Variants in CLRN3 observed in about 807,000 individuals in gnomAD.
CLRN3 encodes the protein clarin 3, also known as clarin-3.
A neutral mutation model predicts 16.7 loss-of-function variants in CLRN3; 12 were observed. The ratio of observed to expected loss-of-function variants is 0.72; its 90% confidence interval spans 0.46 to 1.16. The LOEUF (loss-of-function observed/expected upper bound fraction) is 1.16. Among genes scored for constraint, CLRN3 ranks in the 50% most tolerant of loss-of-function variants. The probability of loss-of-function intolerance (pLI) is 0.00; values close to 1 mark genes in which losing one functional copy is unlikely to be tolerated. For missense variants in CLRN3, 296 were observed against 274.2 expected, an observed-to-expected ratio of 1.08 and a Z score of -0.56; for synonymous variants, 118 against 113.0, an observed-to-expected ratio of 1.04 and a Z score of -0.28.
At chr10:127,883,674 C>T (rs750381097) in intron 2 of CLRN3, 22 bp downstream of exon 2, 51 of 1,566,434 alleles carry the variant, frequency 3.3e-5, no homozygotes, top group South Asian at 3.2e-4. Context: ...TGCAGAGCAC[C>T]GAGTCTCACA....
In CLRN3 at chr10:127,892,844, G is replaced by T; in HGVS notation, c.-60C>A. The stretch of plus-strand genomic sequence containing the variant: ...AGGAATATCTTCTTATAACACTTTT[G>T]AACCTTATCTTTTGAAGTCTGGTAT... On this transcript the variant is annotated 5_prime_UTR_variant, in exon 1 of 3. Transcript: ENST00000368671. 1 of 979,028 alleles carries T rather than the reference G, an allele frequency of 1.0e-6. No individual in the cohort carries two copies. Among genetic ancestry groups the T allele is most frequent in the Non-Finnish European group, 1.6e-6 (1 of 625,856 alleles). The allele number at this position is 979,028 out of a possible 1,614,324, so 60.6% of individuals were successfully genotyped here.
rs775222700 is a variant in CLRN3 at position 127,892,606 on chromosome 10, C to T, written c.179G>A (p.Ser60Asn). Residue 60 changes from serine to asparagine, a missense_variant, in exon 1 of 3, where the codon AGT becomes AAT. Physicochemically the swap from Ser to Asn is conservative, Grantham distance 46 (BLOSUM62 1). Transcript: ENST00000368671. ...FITYGLFRGE[S>N]SEELSHGLAE... ...AAGTCCGTGACTCAATTCTTCACTA[C>T]TCTCCCCACGAAAAAGTCCGTAAGT... The T allele has an allele frequency of 1.1e-5, 17 of 1,613,092 alleles. No individual in the cohort carries two copies. In the South Asian group the frequency reaches 1.2e-4, roughly 11 times the overall value.
At chr10:127,885,326 C>T (rs756730349) in intron 1 of CLRN3, among the ~76,000 whole-genome samples, 2 of 152,220 alleles carry the variant, frequency 1.3e-5, no homozygotes, top group Non-Finnish European at 2.9e-5. Context: ...AAAAATTCCT[C>T]ATTATGCTGA....
In CLRN3 at chr10:127,883,768, A is replaced by G; in HGVS notation, c.337T>C (p.Tyr113His). ...TSLLSSGFTF[Y>H]NSISNPYQTF... ...TGGTAAGGGTTGCTGATGCTGTTGT[A>G]GAAGGTAAACCCAGAGCTCAGCAGC... Residue 113 changes from tyrosine (Y) to histidine (H), a missense_variant, in exon 2 of 3, where the codon TAC (tyrosine) becomes CAC (histidine). Physicochemically the swap from Tyr to His is moderately conservative, Grantham distance 83. Transcript: ENST00000368671. 1.2e-6 allele frequency: 2 copies of G among 1,613,940 alleles called. No individual in the cohort carries two copies. The highest frequency in any genetic ancestry group is 1.7e-6 in the Non-Finnish European group (2 of 1,179,796).
At chr10:127,886,950 G>T (rs2135083546) in intron 1 of CLRN3, among the ~76,000 whole-genome samples, 1 of 152,348 alleles carries the variant, frequency 6.6e-6, no homozygotes, top group East Asian at 1.9e-4. Context: ...GCCTGGGCAG[G>T]GACGGGTGGG....
At chr10:127,882,971 G>A (rs1050503148) in intron 2 of CLRN3, among the ~76,000 whole-genome samples, 2 of 152,186 alleles carry the variant, frequency 1.3e-5, no homozygotes, top group Non-Finnish European at 2.9e-5. Context: ...CAGCTGCAGA[G>A]CCCTGGAAAA....
At chr10:127,882,231 T>A (rs988756623) in intron 2 of CLRN3, among the ~76,000 whole-genome samples, 1 of 111,740 alleles carries the variant, frequency 8.9e-6, no homozygotes, top group Non-Finnish European at 2.0e-5. Flanking sequence ...TTGGGGGATT[T>A]ATTTGTTTTT....
rs1406215550 is a variant in CLRN3, at chr10:127,892,894, T to C, written c.-110A>G. The stretch of plus-strand genomic sequence containing the variant: ...TTTAGAAATGGAGTCTAACACTTTA[T>C]TGTCAAATATAAAATCTCACTCTTC... On this transcript the variant is annotated 5_prime_UTR_variant, in exon 1 of 3. Transcript: ENST00000368671. 4 of 658,488 alleles carry C rather than the reference T, an allele frequency of 6.1e-6. No homozygotes were observed. Among genetic ancestry groups the C allele is most frequent in the Non-Finnish European group, 1.1e-5 (4 of 378,446 alleles). The allele number at this position is 658,488 out of a possible 1,614,324, so 40.8% of individuals were successfully genotyped here.
intron 2 of CLRN3, among the ~76,000 whole-genome samples, chr10:127,881,320 T>G (rs1207414904): frequency 6.6e-6 from 1 of 152,202 alleles, no homozygotes; most frequent in East Asian, 1.9e-4. Context: ...CTGTTTCTCA[T>G]GTTTTCCTTC....
intron 1 of CLRN3, 59 bp from the exon 2 acceptor site, chr10:127,883,934 A>C: frequency 5.4e-6 from 8 of 1,490,540 alleles, no homozygotes; most frequent in Non-Finnish European, 7.5e-6. Context: ...CTGGCCTGGC[A>C]TTCCTCCCCA....
intron 1 of CLRN3, among the ~76,000 whole-genome samples, chr10:127,889,261 G>A (rs1012976176): frequency 1.3e-5 from 2 of 152,176 alleles, no homozygotes; most frequent in African/African-American, 4.8e-5. Flanking sequence ...GGTAGAGGCT[G>A]CAGTGAGCTA....
chr10:127,882,573 T>C (rs1212811226), intron 2 of CLRN3, among the ~76,000 whole-genome samples: 3 of 152,202 alleles, frequency 2.0e-5, no homozygotes, highest in Non-Finnish European at 2.9e-5. Context: ...TTGTTCATAT[T>C]CCTCAGCACA....
intron 2 of CLRN3, among the ~76,000 whole-genome samples, chr10:127,879,336 AG>A (rs1230221233): frequency 6.6e-6 from 1 of 152,124 alleles, no homozygotes; most frequent in Non-Finnish European, 1.5e-5. Context: ...CCTGGACTCA[AG>A]TGATCCACCT....
At position 127,885,689 on chromosome 10, in the gene CLRN3, T is replaced by C. The variant is rs1845185241; in HGVS notation, c.230-1814A>G. ...TCTCCCGAGTTCAAGCAAAGAATCC[T>C]CCTGCCTCAGCCTCCGGAGTAGCTG... On this transcript the variant is annotated intron_variant, in intron 1 of 2. Coordinates refer to ENST00000368671, the MANE Select transcript of CLRN3 (RefSeq NM_152311.5). 2.0e-5 allele frequency among the ~76,000 whole-genome samples: 3 copies of C among 152,186 alleles called. No homozygotes were observed. The South Asian group carries it at 6.2e-4, about 32-fold the overall frequency.
chr10:127,892,307 G>T (rs1845266138), intron 1 of CLRN3, among the ~76,000 whole-genome samples: 1 of 152,100 alleles, frequency 6.6e-6, no homozygotes, highest in Admixed American at 6.5e-5. Context: ...CAGTCAACTT[G>T]GTAGGTATTA....
chr10:127,880,179 T>G (rs1845111058), intron 2 of CLRN3, among the ~76,000 whole-genome samples: 1 of 152,228 alleles, frequency 6.6e-6, no homozygotes, highest in Admixed American at 6.5e-5. Flanking sequence ...CTTAATTATC[T>G]TTCATTTTCC....
chr10:127,888,336 G>C (rs1591262228), intron 1 of CLRN3, among the ~76,000 whole-genome samples: 1 of 152,156 alleles, frequency 6.6e-6, no homozygotes, highest in African/African-American at 2.4e-5. Flanking sequence ...GCCTGAGCTT[G>C]GGAGGGCACC....
In CLRN3 at chr10:127,892,902, T is replaced by C. The variant is rs1181846170; in HGVS notation, c.-118A>G. Reference sequence around the variant, plus strand: ...TGGAGTCTAACACTTTATTGTCAAATATAAAATCTCACTCTTCCTGAGGAA... The same window carrying C: ...TGGAGTCTAACACTTTATTGTCAAACATAAAATCTCACTCTTCCTGAGGAA... On this transcript the variant is annotated 5_prime_UTR_variant, in exon 1 of 3. In the 5' UTR this introduces an upstream ATG that the reference lacks. Transcript: ENST00000368671. The C allele has an allele frequency of 3.1e-6, 2 of 645,616 alleles. No individual in the cohort carries two copies. The highest frequency in any genetic ancestry group is 5.4e-6 in the Non-Finnish European group (2 of 370,206). The allele number at this position is 645,616 out of a possible 1,614,324, so 40.0% of individuals were successfully genotyped here. A position where few individuals can be genotyped will look rare whatever the true frequency, so the allele number is the denominator to read the frequency against.
At position 127,878,071 on chromosome 10, in the gene CLRN3, T is replaced by C; in HGVS notation, c.*78A>G. 1 of 1,505,118 alleles carries C rather than the reference T, an allele frequency of 6.6e-7. No individual in the cohort carries two copies. The highest frequency in any genetic ancestry group is 9.1e-7 in the Non-Finnish European group (1 of 1,099,706). 93.2% of individuals were successfully genotyped at this position (1,505,118 alleles called of 1,614,324 possible). ...ATGACAGTCACGTTACCATGCTGAATTGTCCAGAGAAGCTAACCAGTTACT... is the reference window on the plus strand; with the variant it reads ...ATGACAGTCACGTTACCATGCTGAACTGTCCAGAGAAGCTAACCAGTTACT... On this transcript the variant is annotated 3_prime_UTR_variant, in exon 3 of 3. Transcript: ENST00000368671.
Sources: gnomAD v4.1 joint callset for allele counts (sites outside exome capture counted in the v4.1 genomes callset) on GRCh38, gnomAD v4.1.1 for gene constraint, MANE v1.5 for transcripts, NCBI Gene and HGNC (gene_info 2026-07-23, HGNC 2026-07-21) for gene names.